The following TENT5C variants were observed in gnomAD, a reference collection of about 807,000 sequenced individuals.
The protein encoded by TENT5C is terminal nucleotidyltransferase 5C, also known as family with sequence similarity 46 member C.
Under a neutral mutation model 22.2 loss-of-function variants are expected in TENT5C, and 5 were observed. That is an observed-to-expected ratio of 0.22 (90% CI 0.12 to 0.47). TENT5C has a LOEUF of 0.47. Ranked by LOEUF, TENT5C falls within the 20% of genes least tolerant of loss-of-function variation. TENT5C has a pLI of 0.99. For synonymous variants in TENT5C, 199 were observed against 195.4 expected, an observed-to-expected ratio of 1.02 and a Z score of -0.15; for missense variants, 364 against 500.9, an observed-to-expected ratio of 0.73 and a Z score of 2.61.
chr1:117,608,964 G>A (rs1343756397), intron 1 of TENT5C, among the ~76,000 whole-genome samples: 1 of 152,170 alleles, frequency 6.6e-6, no homozygotes, highest in Non-Finnish European at 1.5e-5. Flanking sequence ...AACATTACTT[G>A]GGTTAGATAA....
At chr1:117,606,398 G>A (rs1193431967) in intron 1 of TENT5C, among the ~76,000 whole-genome samples, 3 of 152,178 alleles carry the variant, frequency 2.0e-5, no homozygotes, top group African/African-American at 4.8e-5. Context: ...CAGAAGAGAC[G>A]CTCCGAAAGG....
intron 1 of TENT5C, among the ~76,000 whole-genome samples, chr1:117,614,256 A>G (rs1653729200): frequency 6.6e-6 from 1 of 152,142 alleles, no homozygotes; most frequent in Non-Finnish European, 1.5e-5. Context: ...GGAGTAAGAG[A>G]GGAGGATTTT....
chr1:117,615,603 C>T (rs1206253142), intron 1 of TENT5C, among the ~76,000 whole-genome samples: 49 of 152,322 alleles, frequency 3.2e-4, no homozygotes, highest in Non-Finnish European at 1.5e-5. Flanking sequence ...GTGGCTGCCG[C>T]CATGTGAAGA....
At chr1:117,621,087 A>T (rs1001073508) in intron 1 of TENT5C, among the ~76,000 whole-genome samples, 5 of 152,170 alleles carry the variant, frequency 3.3e-5, no homozygotes, top group Admixed American at 2.0e-4. Flanking sequence ...TTTGCTTGGG[A>T]TCCATAACCT....
chr1:117,609,545 T>C (rs1446104328), intron 1 of TENT5C, among the ~76,000 whole-genome samples: 1 of 152,170 alleles, frequency 6.6e-6, no homozygotes, highest in African/African-American at 2.4e-5. Context: ...AGTCAGTAAG[T>C]AGTTAAGTGC....
At chr1:117,608,957 A>G (rs1286876249) in intron 1 of TENT5C, among the ~76,000 whole-genome samples, 1 of 152,172 alleles carries the variant, frequency 6.6e-6, no homozygotes, top group East Asian at 1.9e-4. Context: ...GGAATAAAAC[A>G]TTACTTGGGT....
At chr1:117,619,741 G>A (rs1653855963) in intron 1 of TENT5C, among the ~76,000 whole-genome samples, 1 of 151,104 alleles carries the variant, frequency 6.6e-6, no homozygotes, top group Admixed American at 6.6e-5. Context: ...TTTTCTTTTT[G>A]ATAATTTAGA....
rs767003314 is a variant in TENT5C at position 117,627,557 on chromosome 1, T to C, written c.*3513T>C. 1 of 248,052 alleles carries C rather than the reference T, an allele frequency of 4.0e-6. No individual in the cohort carries two copies. Among genetic ancestry groups the C allele is most frequent in the Non-Finnish European group, 8.5e-6 (1 of 118,130 alleles). 15.4% of individuals were successfully genotyped at this position (248,052 alleles called of 1,614,324 possible). Reference sequence around the variant, plus strand: ...TGGTGAGACGAGACCCTGACGCTCATAGAGGCCATTCCTTCCTGGGTGTCG... The same window carrying C: ...TGGTGAGACGAGACCCTGACGCTCACAGAGGCCATTCCTTCCTGGGTGTCG... On this transcript the variant is annotated 3_prime_UTR_variant, in exon 2 of 2. Transcript: ENST00000369448.
intron 1 of TENT5C, among the ~76,000 whole-genome samples, chr1:117,617,967 CT>C (rs1653821673): frequency 6.6e-6 from 1 of 152,204 alleles, no homozygotes; most frequent in Admixed American, 6.5e-5. Flanking sequence ...TTATTTTATG[CT>C]CTTCCAATGA....
In TENT5C at chr1:117,628,017, A is replaced by G; in HGVS notation, c.*3973A>G. On this transcript the variant is annotated 3_prime_UTR_variant, in exon 2 of 2. Coordinates refer to ENST00000369448, the MANE Select transcript of TENT5C (RefSeq NM_017709.4). Reference sequence around the variant, plus strand: ...GTTTGCATAGGAAGGTGAGATGACCATCTACTAAAGAGGAAGTAGCTAAAT... The same window carrying G: ...GTTTGCATAGGAAGGTGAGATGACCGTCTACTAAAGAGGAAGTAGCTAAAT... 4.0e-6 allele frequency: 1 copy of G among 248,168 alleles called. No individual in the cohort carries two copies. Among genetic ancestry groups the G allele is most frequent in the East Asian group, 6.0e-5 (1 of 16,576 alleles). The allele number at this position is 248,168 out of a possible 1,614,324, so 15.4% of individuals were successfully genotyped here.
At chr1:117,617,474 T>C (rs1441984747) in intron 1 of TENT5C, among the ~76,000 whole-genome samples, 2 of 152,174 alleles carry the variant, frequency 1.3e-5, no homozygotes, top group African/African-American at 4.8e-5. Context: ...CTGAGATAGT[T>C]GGTCATCTTG....
At chr1:117,606,490 C>A (rs764282258) in intron 1 of TENT5C, among the ~76,000 whole-genome samples, 20 of 152,218 alleles carry the variant, frequency 1.3e-4, no homozygotes, top group Non-Finnish European at 2.4e-4. Context: ...TGCGCGCTGG[C>A]CAGGCGCGGG....
intron 1 of TENT5C, among the ~76,000 whole-genome samples, chr1:117,617,415 C>A (rs1653811853): frequency 6.9e-6 from 1 of 145,592 alleles, no homozygotes; most frequent in Non-Finnish European, 1.5e-5. Context: ...TGTGTGTATT[C>A]TACCTTTACT....
Position 117,624,179 on chromosome 1 carries a change from T to C in TENT5C, c.*135T>C. 1.3e-6 allele frequency: 1 copy of C among 776,082 alleles called. No individual in the cohort carries two copies. Among genetic ancestry groups the C allele is most frequent in the Non-Finnish European group, 2.0e-6 (1 of 487,882 alleles). 48.1% of individuals were successfully genotyped at this position (776,082 alleles called of 1,614,324 possible). On this transcript the variant is annotated 3_prime_UTR_variant, in exon 2 of 2. Coordinates refer to ENST00000369448, the MANE Select transcript of TENT5C (RefSeq NM_017709.4). ...TCTGATTCTGCTTTTTTTTTTTTTTTTCCTTTGTGTACCCATTGGAATGGG... is the reference window on the plus strand; with the variant it reads ...TCTGATTCTGCTTTTTTTTTTTTTTCTCCTTTGTGTACCCATTGGAATGGG...
chr1:117,617,861 T>C (rs1653819121), intron 1 of TENT5C, among the ~76,000 whole-genome samples: 1 of 152,236 alleles, frequency 6.6e-6, no homozygotes, highest in Non-Finnish European at 1.5e-5. Context: ...AATACCAATG[T>C]TTGTCTAAGT....
At position 117,623,206 on chromosome 1, in the gene TENT5C, T is replaced by C. The variant is rs1196590539; in HGVS notation, c.338T>C (p.Leu113Pro). 1.9e-6 allele frequency: 3 copies of C among 1,614,228 alleles called. No individual in the cohort carries two copies. Among genetic ancestry groups the C allele is most frequent in the South Asian group, 1.1e-5 (1 of 91,084 alleles). Residue 113 changes from leucine (L) to proline (P), a missense_variant, in exon 2 of 2, where the codon CTG becomes CCG. This residue lies in a region of TENT5C where 303 missense variants were observed against 394.5 expected (regional missense o/e 0.77). Transcript: ENST00000369448. The part of the protein sequence containing the change: ...AEFQLVRDVV[L>P]CSLLNFLPEG... ...TTTCAGCTGGTTAGAGATGTGGTTC[T>C]GTGTTCCCTTCTGAACTTCCTGCCA...
chr1:117,623,444 T>C lies in TENT5C; in HGVS notation c.576T>C (p.Leu192=), dbSNP rs937984596. The change falls in exon 2 of 2, where the codon CTT becomes CTC. Residue 192 remains leucine, a synonymous_variant. Coordinates refer to ENST00000369448, the MANE Select transcript of TENT5C (RefSeq NM_017709.4). ...TCCAAATCATCCTGGATTCTTTGCT[T>C]TTCTTCTATGACTGTTCCAATAATC... ...DSFQIILDSL[L]FFYDCSNNPI... 1.2e-6 allele frequency: 2 copies of C among 1,614,100 alleles called. No homozygotes were observed. The highest frequency in any genetic ancestry group is 1.3e-5 in the African/African-American group (1 of 75,018).
rs1474353080 is a variant in TENT5C, at chr1:117,626,465, C to G, written c.*2421C>G. The G allele has an allele frequency of 4.0e-6, 1 of 247,778 alleles. No homozygotes were observed. Among genetic ancestry groups the G allele is most frequent in the Non-Finnish European group, 8.5e-6 (1 of 117,956 alleles). The allele number at this position is 247,778 out of a possible 1,614,324, so 15.3% of individuals were successfully genotyped here. ...TTTGTAGTTTGAGAATAGACCTATT[C>G]AAGAGCTATCAGGGTTAAAAGCTGC... On this transcript the variant is annotated 3_prime_UTR_variant, in exon 2 of 2. Transcript: ENST00000369448.
At chr1:117,608,387 T>TC (rs1174702719) in intron 1 of TENT5C, among the ~76,000 whole-genome samples, 1 of 151,818 alleles carries the variant, frequency 6.6e-6, no homozygotes, top group Non-Finnish European at 1.5e-5. Context: ...CAGAGGCCCG[T>TC]CCCCCCTCAG....
Sources: allele counts gnomAD v4.1 joint callset (sites outside exome capture counted in the v4.1 genomes callset), GRCh38; gene constraint gnomAD v4.1.1; regional missense constraint gnomAD v4.1.1; transcripts MANE v1.5; gene names NCBI Gene and HGNC (gene_info 2026-07-23, HGNC 2026-07-21).